Variants in RBCK1 observed in about 807,000 individuals in gnomAD.
RBCK1 encodes ranBP-type and C3HC4-type zinc finger-containing protein 1.
Under a neutral mutation model 71.1 loss-of-function variants are expected in RBCK1, and 44 were observed. The observed-to-expected ratio is 0.62, with a 90% CI of 0.49 to 0.80. RBCK1 has a LOEUF of 0.80. RBCK1 is among the 30% of genes least tolerant of loss of function. RBCK1 has a pLI of 0.00. For missense variants in RBCK1, 569 were observed against 685.0 expected, an observed-to-expected ratio of 0.83 and a Z score of 1.89; for synonymous variants, 306 against 279.7, an observed-to-expected ratio of 1.09 and a Z score of -0.94.
Position 428,567 on chromosome 20 carries a change from G to A in RBCK1, c.1286G>A (p.Arg429Gln), listed in dbSNP as rs751523688. 1.6e-5 allele frequency: 25 copies of A among 1,611,702 alleles called. No individual in the cohort carries two copies. The highest frequency in any genetic ancestry group is 2.2e-5 in the East Asian group (1 of 44,828). ...CGGGCTCAGAACGATGTGGCTGCCC[G>A]GCAGACGACAGAGATGCTGAAGGTG... The part of the protein sequence containing the change: ...ALRAQNDVAA[R>Q]QTTEMLKVML... The change falls in exon 10 of 12, where the codon CGG becomes CAG. Residue 429 changes from arginine to glutamine, a missense_variant. This residue lies in a region of RBCK1 where 211 missense variants were observed against 309.4 expected (regional missense o/e 0.68). Transcript: ENST00000356286. This position sits in a 1 kb window ranked among gnomAD's most constrained non-coding sequence, Gnocchi z 5.7.
Position 417,997 on chromosome 20 carries a change from A to AAGC in RBCK1, c.460+70_460+72dup. 6.8e-7 allele frequency: 1 copy of AAGC among 1,480,168 alleles called. No homozygotes were observed. Among genetic ancestry groups the AAGC allele is most frequent in the Non-Finnish European group, 9.1e-7 (1 of 1,104,668 alleles). The allele number at this position is 1,480,168 out of a possible 1,614,324, so 91.7% of individuals were successfully genotyped here. A position where few individuals can be genotyped will look rare whatever the true frequency, so the allele number is the denominator to read the frequency against. ...CTGGACTCACTTGAGGGCATAGGGC[A>AAGC]AGCAGGGGCAGAGCCCCTGGGTTTT... is the stretch of plus-strand genomic sequence containing the variant. On this transcript the variant is annotated intron_variant, in intron 4 of 11. Transcript: ENST00000356286. This position sits in a 1 kb window ranked among gnomAD's most constrained non-coding sequence, Gnocchi z 4.7.
intron 6 of RBCK1, chr20:420,191 C>G (rs1568558768): frequency 1.0e-6 from 1 of 985,232 alleles, no homozygotes; most frequent in Non-Finnish European, 1.2e-6. Flanking sequence ...CCCTCTCGGG[C>G]TGGGCCCACC....
chr20:427,087 G>A (rs2016765831), intron 8 of RBCK1, among the ~76,000 whole-genome samples: 1 of 151,976 alleles, frequency 6.6e-6, no homozygotes, highest in African/African-American at 2.4e-5. Flanking sequence ...CTCCTGCCTT[G>A]ACTGACCTCC....
rs745803854 is a variant in RBCK1, at chr20:417,943, C to T, written c.460+13C>T. The T allele has an allele frequency of 5.6e-6, 9 of 1,600,286 alleles. No individual in the cohort carries two copies. The highest frequency in any genetic ancestry group is 7.6e-6 in the Non-Finnish European group (9 of 1,178,664). ...CGGATGCTGGAAGGTGAGGCTCTGC[C>T]CTGAGCACCGCCGGACCCAGCGGGG... On this transcript the variant is annotated intron_variant, in intron 4 of 11. Coordinates refer to ENST00000356286, the MANE Select transcript of RBCK1 (RefSeq NM_031229.4). This position sits in a 1 kb window ranked among gnomAD's most constrained non-coding sequence, Gnocchi z 4.7.
At chr20:424,216 C>A (rs1217292397) in intron 8 of RBCK1, among the ~76,000 whole-genome samples, 2 of 152,210 alleles carry the variant, frequency 1.3e-5, no homozygotes, top group Non-Finnish European at 2.9e-5. Flanking sequence ...AGGTTCTCTG[C>A]CTGGCTGCTG....
chr20:421,822 G>A (rs2016455514), intron 7 of RBCK1: 1 of 359,232 alleles, frequency 2.8e-6, no homozygotes, highest in Admixed American at 4.2e-5. Flanking sequence ...GGGAGACATG[G>A]CTGCTGTTCT....
chr20:420,176 C>T (rs2016297590), intron 6 of RBCK1: 1 of 985,240 alleles, frequency 1.0e-6, no homozygotes, highest in Non-Finnish European at 1.2e-6. Context: ...TACTCCTGAC[C>T]TCTTCCCTCT....
rs1177520744 is a variant in RBCK1 at position 417,299 on chromosome 20, GT to G, written c.168-225del. The stretch of plus-strand genomic sequence containing the variant: ...TGGAGGCCCTCGTGTGCTGCCACGA[GT>G]TGATTCTAAGAGTAGCGTGGAGCCA... On this transcript the variant is annotated intron_variant, in intron 2 of 11. Coordinates refer to ENST00000356286, the MANE Select transcript of RBCK1 (RefSeq NM_031229.4). The surrounding 1 kb of genome is among the most constrained non-coding windows in gnomAD (Gnocchi z 4.7). The G allele has an allele frequency of 2.8e-6, 2 of 710,878 alleles. No individual in the cohort carries two copies. Among genetic ancestry groups the G allele is most frequent in the African/African-American group, 3.5e-5 (2 of 57,692 alleles). 44.0% of individuals were successfully genotyped at this position (710,878 alleles called of 1,614,324 possible). A position where few individuals can be genotyped will look rare whatever the true frequency, so the allele number is the denominator to read the frequency against.
In RBCK1 at chr20:419,586, T is replaced by C; in HGVS notation, c.611T>C (p.Phe204Ser). Residue 204 changes from phenylalanine to serine, a missense_variant, in exon 6 of 12, where the codon TTC becomes TCC. By Grantham distance (155) the Phe-to-Ser change is radical (BLOSUM62 -2). Around this residue, in one of 2 missense-constraint regions of RBCK1, gnomAD observed 358 missense variants for 375.6 expected, o/e 0.95. Transcript: ENST00000356286. ...GGCTGGCAGTGCCCCGGGTGCACCT[T>C]CATCAACAAGCCCACGCGGCCTGGC... ...PVGWQCPGCTFINKPTRPGCE... is the reference protein window; with the variant it reads ...PVGWQCPGCTSINKPTRPGCE... 6.2e-7 allele frequency: 1 copy of C among 1,604,700 alleles called. No homozygotes were observed. The highest frequency in any genetic ancestry group is 8.5e-7 in the Non-Finnish European group (1 of 1,176,344).
In RBCK1 at chr20:419,335, C is replaced by A. The variant is rs749049083; in HGVS notation, c.461-12C>A. On this transcript the variant is annotated splice_polypyrimidine_tract_variant and intron_variant, in intron 4 of 11. Coordinates refer to ENST00000356286, the MANE Select transcript of RBCK1 (RefSeq NM_031229.4). ...CCGCGTGGAACCACCACCCTTTAAC[C>A]CTCCTCCACAGATCTGGGCTTCAAG... 3 of 1,611,536 alleles carry A rather than the reference C, an allele frequency of 1.9e-6. No individual in the cohort carries two copies. Among genetic ancestry groups the A allele is most frequent in the Admixed American group, 1.7e-5 (1 of 59,996 alleles).
At chr20:412,352 G>T (rs778573818) in intron 2 of RBCK1, among the ~76,000 whole-genome samples, 3 of 148,474 alleles carry the variant, frequency 2.0e-5, no homozygotes, top group Non-Finnish European at 4.4e-5. Context: ...ATGGAGTCTC[G>T]CTCTGTCACC....
chr20:420,256 C>T (rs1001003876), intron 6 of RBCK1: 1 of 984,972 alleles, frequency 1.0e-6, no homozygotes, highest in Non-Finnish European at 1.2e-6. Flanking sequence ...GGGGATGACC[C>T]CCGACCCCGG....
chr20:431,797 C>A lies in RBCK1; in HGVS notation c.*1367C>A, dbSNP rs1478402824. Among the ~76,000 whole-genome samples the A allele has an allele frequency of 6.6e-6, 1 of 152,202 alleles. No individual in the cohort carries two copies. Among genetic ancestry groups the A allele is most frequent in the Non-Finnish European group, 1.5e-5 (1 of 68,030 alleles). ...ACCGTCGCAGAGGATGAGGGGCACA[C>A]TCAGGCAGCCTCCCCGGCCCTGGAG... On this transcript the variant is annotated 3_prime_UTR_variant, in exon 12 of 12. Transcript: ENST00000356286. The surrounding 1 kb of genome is among the most constrained non-coding windows in gnomAD (Gnocchi z 4.8).
chr20:420,409 C>A, intron 6 of RBCK1: 1 of 984,934 alleles, frequency 1.0e-6, no homozygotes, highest in Non-Finnish European at 1.2e-6. Context: ...CTGGCCACCC[C>A]ACTCCTGTTC....
At position 428,391 on chromosome 20, in the gene RBCK1, G is replaced by A. The variant is rs527392526; in HGVS notation, c.1210-100G>A. ...GTCCTGCCAGTGACTACACCTAGAG[G>A]CATTAAGTGCCTTTGTGGACTCCTG... On this transcript the variant is annotated intron_variant, in intron 9 of 11. Coordinates refer to ENST00000356286, the MANE Select transcript of RBCK1 (RefSeq NM_031229.4). This position sits in a 1 kb window ranked among gnomAD's most constrained non-coding sequence, Gnocchi z 5.7. The A allele has an allele frequency of 1.3e-5, 9 of 710,492 alleles. No homozygotes were observed. The African/African-American group carries it at 1.3e-4, about 10-fold the overall frequency. 44.0% of individuals were successfully genotyped at this position (710,492 alleles called of 1,614,324 possible).
chr20:419,235 G>A, intron 4 of RBCK1, 112 bp from the exon 5 acceptor site: 2 of 1,421,566 alleles, frequency 1.4e-6, no homozygotes, highest in East Asian at 2.3e-5. Flanking sequence ...CCCCCAGGGA[G>A]GAGGGAGAGG....
chr20:421,128 A>C, intron 7 of RBCK1, 97 bp downstream of exon 7: 9 of 1,386,398 alleles, frequency 6.5e-6, no homozygotes, highest in African/African-American at 1.5e-5. Flanking sequence ...CTGATACCTC[A>C]TTGGACGCCC....
chr20:426,094 T>C (rs1261667725), intron 8 of RBCK1, among the ~76,000 whole-genome samples: 3 of 152,176 alleles, frequency 2.0e-5, no homozygotes, highest in Non-Finnish European at 2.9e-5. Context: ...TGCGGGTACA[T>C]AGTTGGTGTA....
Position 431,967 on chromosome 20 carries a change from GTC to G in RBCK1, c.*1542_*1543del, listed in dbSNP as rs895337013. 6.6e-6 allele frequency among the ~76,000 whole-genome samples: 1 copy of G among 152,238 alleles called. No individual in the cohort carries two copies. Among genetic ancestry groups the G allele is most frequent in the Non-Finnish European group, 1.5e-5 (1 of 68,038 alleles). On this transcript the variant is annotated 3_prime_UTR_variant, in exon 12 of 12. Coordinates refer to ENST00000356286, the MANE Select transcript of RBCK1 (RefSeq NM_031229.4). The surrounding 1 kb of genome is among the most constrained non-coding windows in gnomAD (Gnocchi z 4.8). ...CTCTCTTGCCAGGGCCTGGCCTGGTGTCTCTCAGGAGCCTGGGCATGAGACAA... is the reference window on the plus strand; with the variant it reads ...CTCTCTTGCCAGGGCCTGGCCTGGTGTCTCAGGAGCCTGGGCATGAGACAA...
Sources: gnomAD v4.1 joint callset for allele counts (sites outside exome capture counted in the v4.1 genomes callset) on GRCh38, gnomAD v4.1.1 for gene constraint, gnomAD v4.1.1 regional missense constraint, Gnocchi (gnomAD v3.1) non-coding constraint, MANE v1.5 for transcripts, NCBI Gene and HGNC (gene_info 2026-07-23, HGNC 2026-07-21) for gene names.